PCDH9: variants seen among roughly 807,000 people sequenced by gnomAD.
PCDH9 encodes the protein protocadherin-9.
PCDH9 carries 24 observed loss-of-function variants against 70.6 expected under a neutral mutation model. The ratio of observed to expected loss-of-function variants is 0.34; its 90% CI spans 0.25 to 0.48. The LOEUF (loss-of-function observed/expected upper bound fraction) is 0.48. PCDH9 is among the 20% of genes least tolerant of loss of function. The pLI, the probability that PCDH9 is intolerant of heterozygous loss-of-function variation, is 0.99. For missense variants in PCDH9, 1,281 were observed against 1,503.6 expected (o/e 0.85, Z 2.45); for synonymous variants, 562 against 558.5 (o/e 1.01, Z -0.09).
At chr13:67,083,667 C>T (rs2086033444) in intron 2 of PCDH9, among the ~76,000 whole-genome samples, 2 of 152,130 alleles carry the variant, frequency 1.3e-5, no homozygotes, top group Admixed American at 1.3e-4. Context: ...AGCCTTAAGG[C>T]CTCCCTAAAT....
chr13:66,819,376 A>T (rs528966631), intron 3 of PCDH9, among the ~76,000 whole-genome samples: 6 of 152,094 alleles, frequency 3.9e-5, no homozygotes, highest in African/African-American at 1.2e-4. Flanking sequence ...TTTATTTACT[A>T]AAATGAATAA....
chr13:66,483,944 G>A (rs573605786), intron 4 of PCDH9, among the ~76,000 whole-genome samples: 1 of 152,168 alleles, frequency 6.6e-6, no homozygotes, highest in South Asian at 2.1e-4. Context: ...ATCGGACATC[G>A]AGGGGAGCAC....
chr13:66,524,430 T>C (rs1276196813), intron 4 of PCDH9, among the ~76,000 whole-genome samples: 1 of 152,100 alleles, frequency 6.6e-6, no homozygotes, highest in East Asian at 1.9e-4. Flanking sequence ...TATTGTGTAC[T>C]GAAATTTTAA....
chr13:67,077,589 C>T (rs1489993330), intron 2 of PCDH9, among the ~76,000 whole-genome samples: 3 of 152,152 alleles, frequency 2.0e-5, no homozygotes, highest in African/African-American at 7.2e-5. Context: ...TAGTATCTGG[C>T]ACATAATAGA....
intron 4 of PCDH9, among the ~76,000 whole-genome samples, chr13:66,371,850 GGTTT>G (rs2138218510): frequency 6.6e-6 from 1 of 152,048 alleles, no homozygotes; most frequent in African/African-American, 2.4e-5. Context: ...CAAACTTTTT[GGTTT>G]GTTTGTTTCC....
intron 4 of PCDH9, among the ~76,000 whole-genome samples, chr13:66,377,606 G>T (rs1467980690): frequency 6.6e-6 from 1 of 152,290 alleles, no homozygotes; most frequent in Non-Finnish European, 1.5e-5. Flanking sequence ...CCCAGAGTCT[G>T]CTGGAGTCAA....
intron 2 of PCDH9, among the ~76,000 whole-genome samples, chr13:66,952,943 T>C (rs191990161): frequency 2.0e-5 from 3 of 152,204 alleles, no homozygotes; most frequent in African/African-American, 7.2e-5. Context: ...TCAGAAAAAT[T>C]TGTGTTCTTA....
At position 66,965,200 on chromosome 13, in the gene PCDH9, T is replaced by A. The variant is rs78767901; in HGVS notation, c.3037-61595A>T. 6.3e-3 allele frequency among the ~76,000 whole-genome samples: 952 copies of A among 152,256 alleles called. 28 individuals are homozygous for A. The East Asian group carries it at 0.082, about 13-fold the overall frequency. On this transcript the variant is annotated intron_variant, in intron 2 of 4. Transcript: ENST00000377865. ...ATTCTAATTTCTACTTTAATCAATA[T>A]GCTGAAACTGGAAACTTACATCATG... is the stretch of plus-strand genomic sequence containing the variant.
At chr13:66,738,521 G>T (rs969621743) in intron 3 of PCDH9, among the ~76,000 whole-genome samples, 9 of 140,368 alleles carry the variant, frequency 6.4e-5, no homozygotes, top group South Asian at 2.6e-4. Flanking sequence ...AGAGAAGAAG[G>T]CTTCAGACGA....
At chr13:67,075,576 A>C (rs1253094322) in intron 2 of PCDH9, among the ~76,000 whole-genome samples, 1 of 152,024 alleles carries the variant, frequency 6.6e-6, no homozygotes, top group Admixed American at 6.6e-5. Context: ...CATTTTAGAA[A>C]GTTTCTTAAA....
At chr13:66,599,414 T>C (rs1341933795) in intron 4 of PCDH9, among the ~76,000 whole-genome samples, 1 of 151,930 alleles carries the variant, frequency 6.6e-6, no homozygotes, top group Non-Finnish European at 1.5e-5. Flanking sequence ...TGTAGAGCAT[T>C]TGTCAAATAT....
chr13:66,648,577 T>C (rs928082454), intron 3 of PCDH9, among the ~76,000 whole-genome samples: 1 of 152,156 alleles, frequency 6.6e-6, no homozygotes. Flanking sequence ...TCCCTTGGAA[T>C]ACCTGGAAAG....
At chr13:66,461,437 T>C (rs971494160) in intron 4 of PCDH9, among the ~76,000 whole-genome samples, 2 of 151,578 alleles carry the variant, frequency 1.3e-5, no homozygotes, top group Non-Finnish European at 3.0e-5. Flanking sequence ...AATATTGAAC[T>C]TGAAAAAAAA....
intron 3 of PCDH9, among the ~76,000 whole-genome samples, chr13:66,729,581 A>G (rs2079046310): frequency 1.3e-5 from 2 of 152,066 alleles, no homozygotes; most frequent in African/African-American, 4.8e-5. Context: ...CTTTATTTTC[A>G]GCTGTCTACC....
intron 3 of PCDH9, among the ~76,000 whole-genome samples, chr13:66,811,403 T>A (rs2139361578): frequency 6.6e-6 from 1 of 152,338 alleles, no homozygotes; most frequent in South Asian, 2.1e-4. Flanking sequence ...GATTTTGTAA[T>A]CATGAAGGGA....
At chr13:66,587,357 CACAA>C (rs149903005) in intron 4 of PCDH9, among the ~76,000 whole-genome samples, 14,035 of 151,784 alleles carry the variant, frequency 0.092, 804 homozygotes, top group Middle Eastern at 0.13. Context: ...CTTTGGTTGA[CACAA>C]ACATACAAAC....
chr13:67,226,977 T>G lies in PCDH9; in HGVS notation c.1464A>C (p.Leu488Phe). 1 of 1,614,208 alleles carries G rather than the reference T, an allele frequency of 6.2e-7. No individual in the cohort carries two copies. The highest frequency in any genetic ancestry group is 8.5e-7 in the Non-Finnish European group (1 of 1,180,042). ...CTTCATCTGTGGCACTAATAGTTGTTAAGTATAACCCACGTCGGTTGTTTT... is the reference window on the plus strand; with the variant it reads ...CTTCATCTGTGGCACTAATAGTTGTGAAGTATAACCCACGTCGGTTGTTTT... ...VSENNRRGLY[L>F]TTISATDEDS... is the part of the protein sequence containing the mutation. The change falls in exon 2 of 5, where the codon TTA becomes TTC. Residue 488 changes from leucine to phenylalanine, a missense_variant. By Grantham distance (22) the Leu-to-Phe change is conservative. Around this residue, in one of 4 missense-constraint regions of PCDH9, gnomAD observed 798 missense variants for 1,003.1 expected, o/e 0.80. Coordinates refer to ENST00000377865, the MANE Select transcript of PCDH9 (RefSeq NM_203487.3). This position sits in a 1 kb window ranked among gnomAD's most constrained non-coding sequence, Gnocchi z 5.0.
At chr13:66,469,478 A>C (rs1392424618) in intron 4 of PCDH9, among the ~76,000 whole-genome samples, 1 of 150,826 alleles carries the variant, frequency 6.6e-6, no homozygotes, top group Admixed American at 6.6e-5. Flanking sequence ...GGGGGGAAGG[A>C]AGGAAGGAAT....
At chr13:66,876,863 A>G (rs985267997) in intron 3 of PCDH9, 2 of 152,118 alleles carry the variant, frequency 1.3e-5, no homozygotes, top group Non-Finnish European at 2.9e-5. Context: ...TCTTTGGAAT[A>G]TTGTCCAGGA....
Sources: allele counts gnomAD v4.1 joint callset (sites outside exome capture counted in the v4.1 genomes callset), GRCh38; gene constraint gnomAD v4.1.1; regional missense constraint gnomAD v4.1.1; non-coding constraint Gnocchi (gnomAD v3.1); transcripts MANE v1.5; gene names NCBI Gene and HGNC (gene_info 2026-07-23, HGNC 2026-07-21).